Variants in NSDHL observed in about 807,000 individuals in gnomAD.
The protein encoded by NSDHL is NAD(P) dependent 3-beta-hydroxysteroid dehydrogenase NSDHL, also known as sterol-4-alpha-carboxylate 3-dehydrogenase, decarboxylating.
A neutral mutation model predicts 23.0 loss-of-function variants in NSDHL; 1 was observed. The observed-to-expected ratio is 0.04, with a 90% CI of 0.02 to 0.21. The LOEUF (loss-of-function observed/expected upper bound fraction) is 0.21, where lower values mean the gene tolerates loss of function less well. Ranked by LOEUF, NSDHL falls within the 10% of genes least tolerant of loss-of-function variation. The pLI is 1.00. For synonymous variants in NSDHL, 128 were observed against 121.1 expected (o/e 1.06, Z -0.37); for missense variants, 237 against 300.9 (o/e 0.79, Z 1.57).
chrX:152,865,669 C>A (rs1933594769), intron 5 of NSDHL, 150 bp from the exon 6 acceptor site: 1 of 727,420 alleles, frequency 1.4e-6, no homozygotes, highest in Admixed American at 2.3e-5. Flanking sequence ...GTTGTCAGCT[C>A]AAGGCAGACC....
At chrX:152,861,923 T>C (rs1933535609) in intron 4 of NSDHL, among the ~76,000 whole-genome samples, 1 of 112,245 alleles carries the variant, frequency 8.9e-6, no homozygotes, top group African/African-American at 3.2e-5. Context: ...CGATGGAAGT[T>C]CAGTTTCTTT....
intron 3 of NSDHL, among the ~76,000 whole-genome samples, chrX:152,855,372 C>T (rs1400020227): frequency 8.9e-6 from 1 of 111,740 alleles, no homozygotes; most frequent in African/African-American, 3.3e-5. Context: ...ACTCTCAAGC[C>T]GGTCGTTGTT....
intron 1 of NSDHL, among the ~76,000 whole-genome samples, chrX:152,839,696 C>G (rs782721259): frequency 8.9e-5 from 10 of 112,679 alleles, no homozygotes; most frequent in African/African-American, 2.3e-4. Context: ...TTCCCTTTGT[C>G]GGTAACCCGA....
intron 1 of NSDHL, among the ~76,000 whole-genome samples, chrX:152,841,862 C>G (rs1556844913): frequency 8.9e-6 from 1 of 111,977 alleles, no homozygotes; most frequent in East Asian, 2.8e-4. Flanking sequence ...TACATGCATT[C>G]CCATTGTTGA....
At chrX:152,865,718 G>T in intron 5 of NSDHL, 101 bp from the exon 6 acceptor site, 2 of 1,035,248 alleles carry the variant, frequency 1.9e-6, no homozygotes, top group Non-Finnish European at 1.4e-6. Flanking sequence ...TGTGTCATCT[G>T]TCTGTCCCCC....
At chrX:152,837,858 T>G (rs1480883437) in intron 1 of NSDHL, among the ~76,000 whole-genome samples, 10 of 112,046 alleles carry the variant, frequency 8.9e-5, no homozygotes, top group Non-Finnish European at 1.9e-4. Flanking sequence ...GTGGAATAGT[T>G]TCAGAAGGAA....
At chrX:152,854,895 G>A (rs924015208) in intron 3 of NSDHL, among the ~76,000 whole-genome samples, 10 of 109,351 alleles carry the variant, frequency 9.1e-5, no homozygotes, top group Admixed American at 5.9e-4. Flanking sequence ...TCAGTAGAGA[G>A]AGAGAGAGAG....
At chrX:152,866,214 C>T (rs1304714570) in intron 6 of NSDHL, among the ~76,000 whole-genome samples, 1 of 112,296 alleles carries the variant, frequency 8.9e-6, no homozygotes, top group Non-Finnish European at 1.9e-5. Flanking sequence ...GGCACCTTTT[C>T]ACCATGTCCT....
chrX:152,840,839 A>G (rs2125004253), intron 1 of NSDHL, among the ~76,000 whole-genome samples: 1 of 113,014 alleles, frequency 8.8e-6, no homozygotes, highest in African/African-American at 3.2e-5. Flanking sequence ...CTCTCTTAAG[A>G]GCTGTCAGAC....
intron 3 of NSDHL, among the ~76,000 whole-genome samples, chrX:152,854,635 C>A (rs1933411680): frequency 9.1e-6 from 1 of 109,456 alleles, no homozygotes; most frequent in South Asian, 4.0e-4. Context: ...GTCTTGAACT[C>A]CTTGTATCAG....
rs1374709547 is a variant in NSDHL at position 152,853,548 on chromosome X, C to T, written c.267+3125C>T. On this transcript the variant is annotated intron_variant, in intron 3 of 7. Transcript: ENST00000370274. The stretch of plus-strand genomic sequence containing the variant: ...CTCTTAATGGATAAATCAGATCACA[C>T]CGCCCTCTGTACAGAAGCCTCCAGT... 1.8e-5 allele frequency among the ~76,000 whole-genome samples: 2 copies of T among 111,683 alleles called. 1 individual carries two copies. Among genetic ancestry groups the T allele is most frequent in the Non-Finnish European group, 3.8e-5 (2 of 53,120 alleles).
chrX:152,851,502 G>A (rs782781620), intron 3 of NSDHL, among the ~76,000 whole-genome samples: 208 of 111,473 alleles, frequency 1.9e-3, no homozygotes, highest in Middle Eastern at 4.6e-3. Flanking sequence ...CTTGGCTTTG[G>A]TGTCATTCGC....
At chrX:152,846,199 G>T (rs1602929287) in intron 1 of NSDHL, 83 bp from the exon 2 acceptor site, 2 of 559,705 alleles carry the variant, frequency 3.6e-6, no homozygotes, top group East Asian at 6.8e-5. Flanking sequence ...TGAACGGGGG[G>T]ATGGCATCTG....
intron 1 of NSDHL, among the ~76,000 whole-genome samples, chrX:152,834,036 A>G (rs1933054730): frequency 1.8e-5 from 2 of 112,821 alleles, no homozygotes; most frequent in African/African-American, 6.4e-5. Flanking sequence ...ATAAGGCCTC[A>G]TGGCCAGCGG....
chrX:152,860,559 T>G (rs1180061796), intron 4 of NSDHL, among the ~76,000 whole-genome samples: 1 of 110,796 alleles, frequency 9.0e-6, no homozygotes, highest in African/African-American at 3.3e-5. Flanking sequence ...CTACACGAAT[T>G]TTTAAAAGCC....
intron 1 of NSDHL, among the ~76,000 whole-genome samples, chrX:152,844,441 C>G (rs1488319753): frequency 8.9e-6 from 1 of 112,384 alleles, no homozygotes; most frequent in African/African-American, 3.2e-5. Flanking sequence ...GCCTAGTTAG[C>G]CTGTCATGCG....
intron 2 of NSDHL, among the ~76,000 whole-genome samples, chrX:152,847,415 G>A (rs1191190682): frequency 1.8e-5 from 2 of 112,211 alleles, no homozygotes; most frequent in Non-Finnish European, 3.8e-5. Flanking sequence ...CATGGGCCGT[G>A]AAATCACCCT....
chrX:152,835,988 G>A (rs1602920951), intron 1 of NSDHL, among the ~76,000 whole-genome samples: 2 of 111,986 alleles, frequency 1.8e-5, no homozygotes, highest in East Asian at 2.8e-4. Context: ...TTTAAAGATC[G>A]CCATTCTAAC....
At chrX:152,835,956 A>G (rs1201023394) in intron 1 of NSDHL, among the ~76,000 whole-genome samples, 2 of 112,169 alleles carry the variant, frequency 1.8e-5, no homozygotes, top group Admixed American at 9.4e-5. Flanking sequence ...CATCCTCTCC[A>G]GTATCTGTTG....
Sources: allele counts gnomAD v4.1 joint callset (sites outside exome capture counted in the v4.1 genomes callset), GRCh38; gene constraint gnomAD v4.1.1; transcripts MANE v1.5; gene names NCBI Gene and HGNC (gene_info 2026-07-23, HGNC 2026-07-21).